Variants in FAM83G observed in about 807,000 individuals in gnomAD.
The protein encoded by FAM83G is scaffolding CK1 anchoring protein G, also known as protein FAM83G.
FAM83G carries 38 observed loss-of-function variants against 61.5 expected under a neutral mutation model. The ratio of observed to expected loss-of-function variants is 0.62; its 90% CI spans 0.48 to 0.81. The LOEUF is 0.81. FAM83G is among the 30% of genes least tolerant of loss of function. The pLI, the probability that FAM83G is intolerant of heterozygous loss-of-function variation, is 0.00. For missense variants in FAM83G, 989 were observed against 1,133.6 expected (o/e 0.87, Z 1.83); for synonymous variants, 470 against 476.1 (o/e 0.99, Z 0.17).
At chr17:18,984,125 G>A (rs866159818) in intron 3 of FAM83G, among the ~76,000 whole-genome samples, 2 of 151,960 alleles carry the variant, frequency 1.3e-5, no homozygotes, top group African/African-American at 4.8e-5. Context: ...GGCGGATCAC[G>A]AGGTCAGCAG....
chr17:18,995,560 A>G (rs1208802325), intron 2 of FAM83G, among the ~76,000 whole-genome samples: 1 of 152,200 alleles, frequency 6.6e-6, no homozygotes, highest in Non-Finnish European at 1.5e-5. Flanking sequence ...GAGAGACTAA[A>G]AAAATAAATA....
chr17:18,991,557 G>A (rs1306988375), intron 2 of FAM83G, among the ~76,000 whole-genome samples: 6 of 152,180 alleles, frequency 3.9e-5, no homozygotes, highest in Admixed American at 3.3e-4. Flanking sequence ...TGTTATGTCA[G>A]GGGCCACACT....
At chr17:19,005,866 G>T (rs544130547), upstream of FAM83G, among the ~76,000 whole-genome samples, 2 of 152,314 alleles carry the variant, frequency 1.3e-5, no homozygotes, top group African/African-American at 4.8e-5. Flanking sequence ...ACACATATTT[G>T]CATCCTCCTC....
chr17:18,993,175 CT>C (rs2043473128), intron 2 of FAM83G, among the ~76,000 whole-genome samples: 2 of 152,102 alleles, frequency 1.3e-5, no homozygotes, highest in South Asian at 4.2e-4. Context: ...ATCCTGACCC[CT>C]CTCCCCGACG....
At position 19,003,592 on chromosome 17, in the gene FAM83G, G is replaced by GT; in HGVS notation, c.449dup (p.Tyr150Ter). 6.2e-7 allele frequency: 1 copy of GT among 1,606,288 alleles called. No individual in the cohort carries two copies. Among genetic ancestry groups the GT allele is most frequent in the Non-Finnish European group, 8.5e-7 (1 of 1,176,230 alleles). ...CCTGCCCGTCTATGGGGGGCTGCATGTAGACGCTAGCCCGGGTCACGCCGC... is the reference window on the plus strand; with the variant it reads ...CCTGCCCGTCTATGGGGGGCTGCATGTTAGACGCTAGCCCGGGTCACGCCGC... ...AYRGVTRASV[Y>*]MQPPIDGQAH... Residue 150 changes from tyrosine to a stop codon, truncating the protein, a stop_gained and frameshift_variant, in exon 2 of 6, where the codon TAC becomes TAAC. Coordinates refer to ENST00000388995, the MANE Select transcript of FAM83G (RefSeq NM_001039999.3). LOFTEE classifies it high-confidence loss of function. This position sits in a 1 kb window ranked among gnomAD's most constrained non-coding sequence, Gnocchi z 4.5.
rs779766503 is a variant in FAM83G, at chr17:18,971,784, G to A, written c.2083-36C>T. 1.3e-6 allele frequency: 2 copies of A among 1,526,014 alleles called. No homozygotes were observed. Among genetic ancestry groups the A allele is most frequent in the Admixed American group, 2.1e-5 (1 of 48,014 alleles). The allele number at this position is 1,526,014 out of a possible 1,614,324, so 94.5% of individuals were successfully genotyped here. On this transcript the variant is annotated intron_variant, in intron 5 of 5. Transcript: ENST00000388995. The surrounding 1 kb of genome is among the most constrained non-coding windows in gnomAD (Gnocchi z 5.5). ...GAGAGCAGAGAGTGAGGCTGAGCAA[G>A]AAGGGCCAACCCCGCCCCAGCACAG...
chr17:18,981,923 T>C (rs995833591), intron 3 of FAM83G, among the ~76,000 whole-genome samples: 7 of 152,162 alleles, frequency 4.6e-5, no homozygotes, highest in African/African-American at 1.7e-4. Context: ...GTACGAGGCC[T>C]TCCCTGTCAC....
rs369334119 is a variant in FAM83G at position 18,977,611 on chromosome 17, G to A, written c.2055C>T (p.Ala685=). ...GTGCCTCCTTGTCTGTGGAGCGCTG[G>A]GCCTGCATCCTCTTCAACGCATCTG... is the stretch of plus-strand genomic sequence containing the variant. ...EEADALKRMQ[A]QRSTDKEAQG... Residue 685 remains alanine, a synonymous_variant, in exon 5 of 6, where the codon GCC becomes GCT. Transcript: ENST00000388995. The A allele has an allele frequency of 3.4e-5, 55 of 1,609,156 alleles. No individual in the cohort carries two copies. The highest frequency in any genetic ancestry group is 4.6e-5 in the Non-Finnish European group (54 of 1,179,924).
chr17:18,995,460 AAC>A (rs1360896878), intron 2 of FAM83G, among the ~76,000 whole-genome samples: 24 of 152,366 alleles, frequency 1.6e-4, no homozygotes, highest in Admixed American at 4.6e-4. Flanking sequence ...AAAGAACATG[AAC>A]ACAGCATCAG....
chr17:19,003,787 G>A lies in FAM83G; in HGVS notation c.255C>T (p.Gly85=), dbSNP rs1416502819. Residue 85 remains glycine (G), a synonymous_variant, in exon 2 of 6, where the codon GGC becomes GGT. Transcript: ENST00000388995. This position sits in a 1 kb window ranked among gnomAD's most constrained non-coding sequence, Gnocchi z 4.5. ...CATTGTCCTCGGGCCCCTGAGAGGG[G>A]CCCGTGCCCCGAGGGTCCTCAGAGC... ...DPGSEDPRGT[G]PSQGPEDNGV... 1 of 1,611,148 alleles carries A rather than the reference G, an allele frequency of 6.2e-7. No homozygotes were observed. The highest frequency in any genetic ancestry group is 8.5e-7 in the Non-Finnish European group (1 of 1,179,222).
rs769819385 is a variant in FAM83G at position 18,969,425 on chromosome 17, G to A, written c.*1934C>T. ...GGCTGTCATCCTGACAATCAAAGGTGAGGACAGAGTCTGTGGCCATGGCGG... is the reference window on the plus strand; with the variant it reads ...GGCTGTCATCCTGACAATCAAAGGTAAGGACAGAGTCTGTGGCCATGGCGG... On this transcript the variant is annotated 3_prime_UTR_variant, in exon 6 of 6. Transcript: ENST00000388995. 19 of 1,613,348 alleles carry A rather than the reference G, an allele frequency of 1.2e-5. No homozygotes were observed. The Admixed American group carries it at 3.0e-4, about 25-fold the overall frequency.
In FAM83G at chr17:19,000,366, T is replaced by C. The variant is rs1181507126; in HGVS notation, c.522+3154A>G. Among the ~76,000 whole-genome samples, 1 of 152,176 alleles carries C rather than the reference T, an allele frequency of 6.6e-6. No homozygotes were observed. Among genetic ancestry groups the C allele is most frequent in the Non-Finnish European group, 1.5e-5 (1 of 68,026 alleles). Reference sequence around the variant, plus strand: ...CAGTCTTCAATACCTGTTCCCATTTTACAGATGGGATGACCGGGGCTTGGA... The same window carrying C: ...CAGTCTTCAATACCTGTTCCCATTTCACAGATGGGATGACCGGGGCTTGGA... On this transcript the variant is annotated intron_variant, in intron 2 of 5. Transcript: ENST00000388995. The surrounding 1 kb of genome is among the most constrained non-coding windows in gnomAD (Gnocchi z 5.2).
At chr17:18,997,219 A>C (rs1488609943) in intron 2 of FAM83G, among the ~76,000 whole-genome samples, 2 of 152,264 alleles carry the variant, frequency 1.3e-5, no homozygotes, top group Admixed American at 6.5e-5. Context: ...GCCCAGTGGC[A>C]TGAAGGCACT....
intron 5 of FAM83G, among the ~76,000 whole-genome samples, chr17:18,972,888 C>T (rs951903326): frequency 1.3e-5 from 2 of 148,428 alleles, no homozygotes; most frequent in Non-Finnish European, 3.0e-5. Context: ...AAAAAAAGAA[C>T]AGACCCCAAC....
intron 3 of FAM83G, among the ~76,000 whole-genome samples, chr17:18,983,155 A>C (rs1234069092): frequency 6.6e-6 from 1 of 152,168 alleles, no homozygotes; most frequent in Non-Finnish European, 1.5e-5. Context: ...TGACCTGCCC[A>C]CTGTCTCCCA....
chr17:18,989,699 C>T (rs1005672810), intron 2 of FAM83G, among the ~76,000 whole-genome samples: 4 of 152,242 alleles, frequency 2.6e-5, no homozygotes, highest in Non-Finnish European at 5.9e-5. Flanking sequence ...CTTTCTCCCA[C>T]AGTCACCCCG....
intron 2 of FAM83G, among the ~76,000 whole-genome samples, chr17:18,989,661 C>T (rs545804787): frequency 1.7e-4 from 26 of 152,328 alleles, no homozygotes; most frequent in African/African-American, 5.8e-4. Flanking sequence ...GGGGCTGGGG[C>T]GGGGGCTCGG....
At position 18,978,793 on chromosome 17, in the gene FAM83G, C is replaced by T. The variant is rs1167753301; in HGVS notation, c.873G>A (p.Gln291=). 6.2e-7 allele frequency: 1 copy of T among 1,612,916 alleles called. No individual in the cohort carries two copies. Among genetic ancestry groups the T allele is most frequent in the Non-Finnish European group, 8.5e-7 (1 of 1,180,032 alleles). The stretch of plus-strand genomic sequence containing the variant: ...ACTGCCGGTCAAACATCTCCACCAC[C>T]TGGCCAGACAGCACAGAGATCACAT... The part of the protein sequence containing the change: ...DRNVISVLSG[Q]VVEMFDRQFQ... Residue 291 remains glutamine, a synonymous_variant, in exon 5 of 6, where the codon CAG becomes CAA. Transcript: ENST00000388995.
At chr17:18,979,143 T>C in intron 4 of FAM83G, 2 of 515,412 alleles carry the variant, frequency 3.9e-6, no homozygotes, top group Non-Finnish European at 7.0e-6. Context: ...TGTGGGGGGT[T>C]CTGCATGTGG....
Sources: allele counts gnomAD v4.1 joint callset (sites outside exome capture counted in the v4.1 genomes callset), GRCh38; gene constraint gnomAD v4.1.1; non-coding constraint Gnocchi (gnomAD v3.1); transcripts MANE v1.5; gene names NCBI Gene and HGNC (gene_info 2026-07-23, HGNC 2026-07-21).